Variants in DPY19L1 observed in about 807,000 individuals in gnomAD.
DPY19L1 encodes the protein protein C-mannosyl-transferase DPY19L1.
A neutral mutation model predicts 96.9 loss-of-function variants in DPY19L1; 35 were observed. The ratio of observed to expected loss-of-function variants is 0.36; its 90% CI spans 0.28 to 0.48. DPY19L1 has a LOEUF of 0.48. Among genes scored for constraint, DPY19L1 ranks in the 20% least tolerant of loss-of-function variants. The probability of loss-of-function intolerance (pLI) is 0.99; values close to 1 mark genes in which losing one functional copy is unlikely to be tolerated. For missense variants in DPY19L1, 521 were observed against 777.9 expected (o/e 0.67, Z 3.93); for synonymous variants, 205 against 252.6 (o/e 0.81, Z 1.79).
chr7:35,024,893 T>G (rs116044008), intron 1 of DPY19L1, among the ~76,000 whole-genome samples: 2 of 152,324 alleles, frequency 1.3e-5, no homozygotes, highest in East Asian at 3.9e-4. Context: ...CACTACCTAG[T>G]ATCATGCCTG....
chr7:34,961,089 T>C (rs1784491759), intron 10 of DPY19L1, among the ~76,000 whole-genome samples: 1 of 152,186 alleles, frequency 6.6e-6, no homozygotes, highest in Non-Finnish European at 1.5e-5. Flanking sequence ...TGTCAGTTCT[T>C]CCCAACTTGA....
chr7:35,037,946 G>C, upstream of DPY19L1: 1 of 1,214,850 alleles, frequency 8.2e-7, no homozygotes, highest in East Asian at 3.2e-5. Flanking sequence ...TCGGGGCGCT[G>C]ATTCAAGTTT....
At chr7:34,989,856 A>C in intron 7 of DPY19L1, 28 bp downstream of exon 7, 2 of 1,556,722 alleles carry the variant, frequency 1.3e-6, no homozygotes, top group Non-Finnish European at 8.7e-7. Context: ...TCCAGAAGTA[A>C]TTCTGAGAAT....
chr7:34,981,482 T>G (rs1483741059), intron 7 of DPY19L1, among the ~76,000 whole-genome samples: 1 of 152,140 alleles, frequency 6.6e-6, no homozygotes, highest in East Asian at 1.9e-4. Flanking sequence ...ATCCCTCATT[T>G]CACCTATTAA....
intron 14 of DPY19L1, among the ~76,000 whole-genome samples, chr7:34,948,750 T>C (rs774580251): frequency 7.2e-5 from 11 of 152,248 alleles, no homozygotes; most frequent in Non-Finnish European, 1.2e-4. Context: ...TTGCAAGATA[T>C]GCTTCCTTTG....
At chr7:35,000,963 T>G (rs328930) in intron 6 of DPY19L1, among the ~76,000 whole-genome samples, 3 of 152,216 alleles carry the variant, frequency 2.0e-5, no homozygotes, top group African/African-American at 7.2e-5. Context: ...TCAGAGACAG[T>G]AGAGCACACG....
At chr7:34,998,379 G>C (rs970613150) in intron 6 of DPY19L1, among the ~76,000 whole-genome samples, 1 of 152,130 alleles carries the variant, frequency 6.6e-6, no homozygotes, top group Non-Finnish European at 1.5e-5. Context: ...TGTAGAGTTC[G>C]TGAAAAAGAT....
At chr7:34,959,898 AATATATAT>A (rs368552911) in intron 10 of DPY19L1, among the ~76,000 whole-genome samples, 24 of 62,394 alleles carry the variant, frequency 3.8e-4, no homozygotes, top group South Asian at 3.0e-3. Flanking sequence ...TTTGTATATA[AATATATAT>A]ATATATATAT....
At chr7:35,030,429 G>A (rs1562832837) in intron 1 of DPY19L1, among the ~76,000 whole-genome samples, 1 of 152,184 alleles carries the variant, frequency 6.6e-6, no homozygotes, top group Non-Finnish European at 1.5e-5. Context: ...CTGTAAACTA[G>A]TAGATAAAAT....
chr7:34,945,440 GCTA>G (rs1784124837), intron 16 of DPY19L1, among the ~76,000 whole-genome samples: 1 of 152,156 alleles, frequency 6.6e-6, no homozygotes, highest in Non-Finnish European at 1.5e-5. Context: ...TATGTGCAGG[GCTA>G]CTGTCAGACT....
intron 6 of DPY19L1, among the ~76,000 whole-genome samples, chr7:35,003,662 A>C (rs1318457507): frequency 6.6e-6 from 1 of 152,200 alleles, no homozygotes; most frequent in East Asian, 1.9e-4. Flanking sequence ...TGAGTCCTAC[A>C]TTTATCCCAG....
chr7:34,955,512 A>C, intron 11 of DPY19L1, 145 bp from the exon 12 acceptor site: 9 of 1,047,368 alleles, frequency 8.6e-6, no homozygotes, highest in South Asian at 1.7e-5. Context: ...CCACATGCTC[A>C]TTTCTAGAGT....
At chr7:35,025,787 A>C (rs1388859129) in intron 1 of DPY19L1, among the ~76,000 whole-genome samples, 1 of 152,234 alleles carries the variant, frequency 6.6e-6, no homozygotes, top group Admixed American at 6.5e-5. Flanking sequence ...GCCAAGAATA[A>C]GAAAGCCAGA....
chr7:34,954,541 A>G (rs1784337121), intron 13 of DPY19L1, 157 bp downstream of exon 13: 1 of 446,686 alleles, frequency 2.2e-6, no homozygotes, highest in Admixed American at 4.2e-5. Context: ...AAATCTATAT[A>G]CAATTACATT....
chr7:35,017,606 A>G (rs1179659077), intron 3 of DPY19L1, among the ~76,000 whole-genome samples: 1 of 151,496 alleles, frequency 6.6e-6, no homozygotes, highest in Non-Finnish European at 1.5e-5. Flanking sequence ...TGGGAGGTGC[A>G]GCTTGCAGTG....
In DPY19L1 at chr7:35,017,928, G is replaced by C; in HGVS notation, c.365C>G (p.Ser122Cys). Residue 122 changes from serine to cysteine, a missense_variant, in exon 3 of 22, where the codon TCT (serine) becomes TGT (cysteine). By Grantham distance (112) the Ser-to-Cys change is moderately radical. Transcript: ENST00000638088. ...THLFENDRHF[S>C]HLSTLEREMA... ...CTCCCTTTCCAATGTTGAGAGGTGA[G>C]AAAAATGACGGTCATTTTCAAAGAG... 1 of 1,606,052 alleles carries C rather than the reference G, an allele frequency of 6.2e-7. No individual in the cohort carries two copies. Among genetic ancestry groups the C allele is most frequent in the Non-Finnish European group, 8.5e-7 (1 of 1,175,930 alleles).
At chr7:34,963,204 A>G (rs1043763264) in intron 10 of DPY19L1, among the ~76,000 whole-genome samples, 3 of 148,054 alleles carry the variant, frequency 2.0e-5, no homozygotes, top group Non-Finnish European at 4.6e-5. Flanking sequence ...AAAAAAAAAA[A>G]AAAAAAAAAA....
At chr7:34,939,915 A>C (rs1783960040) in intron 19 of DPY19L1, among the ~76,000 whole-genome samples, 1 of 152,200 alleles carries the variant, frequency 6.6e-6, no homozygotes, top group African/African-American at 2.4e-5. Context: ...TTTTGAAAAA[A>C]TTAAAATCTA....
chr7:35,027,596 G>A (rs1234386964), intron 1 of DPY19L1, among the ~76,000 whole-genome samples: 3 of 150,846 alleles, frequency 2.0e-5, no homozygotes, highest in Non-Finnish European at 4.4e-5. Context: ...TTGGGAGGCC[G>A]AGGCGGGTGG....
Sources: gnomAD v4.1 joint callset for allele counts (sites outside exome capture counted in the v4.1 genomes callset) on GRCh38, gnomAD v4.1.1 for gene constraint, MANE v1.5 for transcripts, NCBI Gene and HGNC (gene_info 2026-07-23, HGNC 2026-07-21) for gene names.